Variants in HPGDS observed in about 807,000 individuals in gnomAD.
HPGDS encodes GST class-sigma.
HPGDS carries 26 observed loss-of-function variants against 23.1 expected under a neutral mutation model. That is an observed-to-expected ratio of 1.13 (90% CI 0.83 to 1.56). The LOEUF (loss-of-function observed/expected upper bound fraction) is 1.56, where lower values mean the gene tolerates loss of function less well. HPGDS is among the 40% of genes most tolerant of loss of function. HPGDS has a pLI of 0.00. For synonymous variants in HPGDS, 95 were observed against 77.9 expected, an observed-to-expected ratio of 1.22 and a Z score of -1.16; for missense variants, 268 against 236.4, an observed-to-expected ratio of 1.13 and a Z score of -0.88.
At position 94,309,174 on chromosome 4, in the gene HPGDS, G is replaced by A. The variant is rs1756206727; in HGVS notation, c.227-431C>T. On this transcript the variant is annotated intron_variant, in intron 3 of 5. Coordinates refer to ENST00000295256, the MANE Select transcript of HPGDS (RefSeq NM_014485.3). Reference sequence around the variant, plus strand: ...CTAAGGTACATGTGCACAACATTCAGGTTTGTTACATATGTATACATGTGC... The same window carrying A: ...CTAAGGTACATGTGCACAACATTCAAGTTTGTTACATATGTATACATGTGC... Among the ~76,000 whole-genome samples the A allele has an allele frequency of 1.3e-5, 2 of 148,408 alleles. 1 individual carries two copies. The highest frequency in any genetic ancestry group is 4.3e-4 in the South Asian group (2 of 4,684).
At position 94,299,637 on chromosome 4, in the gene HPGDS, C is replaced by T. The variant is rs768907757; in HGVS notation, c.443G>A (p.Trp148Ter). Residue 148 changes from tryptophan (W) to a stop codon, truncating the protein, a stop_gained, in exon 6 of 6, where the codon TGG (tryptophan) becomes TAG (stop). Transcript: ENST00000295256. LOFTEE classifies it high-confidence loss of function. ...REWLIGNSVTWADFYWEICST... is the reference protein window; with the variant it reads ...REWLIGNSVT ...GCAAATCTCCCAGTAGAAGTCTGCC[C>T]AAGTTACCTAGTTTAAAGGAAACAA... 1 of 1,613,390 alleles carries T rather than the reference C, an allele frequency of 6.2e-7. No individual in the cohort carries two copies.
At chr4:94,308,372 T>C (rs1053566831) in intron 4 of HPGDS, among the ~76,000 whole-genome samples, 1 of 152,098 alleles carries the variant, frequency 6.6e-6, no homozygotes, top group Non-Finnish European at 1.5e-5. Context: ...GTCATATTTA[T>C]TTATCCTATA....
chr4:94,341,247 G>A (rs1179948466), intron 1 of HPGDS, among the ~76,000 whole-genome samples: 1 of 151,956 alleles, frequency 6.6e-6, no homozygotes, highest in African/African-American at 2.4e-5. Context: ...AATCCCAGAG[G>A]CAATTTTAAC....
chr4:94,304,923 TAA>T (rs1756112659), intron 4 of HPGDS, among the ~76,000 whole-genome samples: 1 of 152,050 alleles, frequency 6.6e-6, no homozygotes, highest in Non-Finnish European at 1.5e-5. Context: ...AGCAAACTGA[TAA>T]ATTGATAGAC....
chr4:94,326,566 A>G (rs993165952), intron 2 of HPGDS, among the ~76,000 whole-genome samples: 2 of 151,844 alleles, frequency 1.3e-5, no homozygotes, highest in Non-Finnish European at 2.9e-5. Flanking sequence ...GATTTTTTTT[A>G]TAATATCTAT....
chr4:94,309,972 G>T (rs1379066992), intron 3 of HPGDS, among the ~76,000 whole-genome samples: 6 of 152,086 alleles, frequency 3.9e-5, no homozygotes, highest in Non-Finnish European at 7.4e-5. Context: ...CTTGTTAATG[G>T]GGTTGTTTGC....
At chr4:94,331,320 A>T (rs1756732443) in intron 2 of HPGDS, among the ~76,000 whole-genome samples, 1 of 152,172 alleles carries the variant, frequency 6.6e-6, no homozygotes, top group African/African-American at 2.4e-5. Context: ...TGAGGATTTT[A>T]AAAAATGTTT....
intron 4 of HPGDS, among the ~76,000 whole-genome samples, chr4:94,304,247 G>A (rs1340901912): frequency 6.6e-6 from 1 of 151,918 alleles, no homozygotes; most frequent in Non-Finnish European, 1.5e-5. Context: ...ATTTTGTGTT[G>A]GAACCACGAC....
intron 1 of HPGDS, among the ~76,000 whole-genome samples, chr4:94,340,311 C>CTTTTTTTTTTTTTTT (rs869240610): frequency 2.5e-4 from 6 of 23,676 alleles, no homozygotes; most frequent in African/African-American, 7.3e-4. Flanking sequence ...CTTTCTTTCT[C>CTTTTTTTTTTTTTTT]TTTTTTTTTT....
chr4:94,318,137 G>A (rs1756433220), intron 2 of HPGDS, among the ~76,000 whole-genome samples, 172 bp from the exon 3 acceptor site: 1 of 152,030 alleles, frequency 6.6e-6, no homozygotes, highest in African/African-American at 2.4e-5. Flanking sequence ...TATTTTATAA[G>A]TTTTGTTTAA....
rs190971035 is a variant in HPGDS at position 94,325,402 on chromosome 4, G to A, written c.134-7437C>T. 1.4e-4 allele frequency among the ~76,000 whole-genome samples: 21 copies of A among 152,302 alleles called. No individual in the cohort carries two copies. In the East Asian group the frequency reaches 3.5e-3, roughly 25 times the overall value. ...TGCCCCCAGAGGTGGAGTCTACAGAGGCAGGTAGGCCTTCTTGAGCTGCAG... is the reference window on the plus strand; with the variant it reads ...TGCCCCCAGAGGTGGAGTCTACAGAAGCAGGTAGGCCTTCTTGAGCTGCAG... On this transcript the variant is annotated intron_variant, in intron 2 of 5. Transcript: ENST00000295256.
At position 94,315,646 on chromosome 4, in the gene HPGDS, A is replaced by C. The variant is rs994727094; in HGVS notation, c.226+2227T>G. Among the ~76,000 whole-genome samples, 4 of 152,226 alleles carry C rather than the reference A, an allele frequency of 2.6e-5. No homozygotes were observed. The East Asian group carries it at 7.7e-4, about 29-fold the overall frequency. Reference sequence around the variant, plus strand: ...CTGTATAAATTTATTAAAAATTAAGAAACTGTATACTGACAGTGGATGAAT... The same window carrying C: ...CTGTATAAATTTATTAAAAATTAAGCAACTGTATACTGACAGTGGATGAAT... On this transcript the variant is annotated intron_variant, in intron 3 of 5. Transcript: ENST00000295256.
At chr4:94,314,505 G>A (rs964383745) in intron 3 of HPGDS, among the ~76,000 whole-genome samples, 1 of 152,170 alleles carries the variant, frequency 6.6e-6, no homozygotes, top group East Asian at 1.9e-4. Flanking sequence ...TGGACGTTTT[G>A]TCTCAGAGGG....
chr4:94,317,959 G>A lies in HPGDS; in HGVS notation c.140C>T (p.Pro47Leu). The part of the protein sequence containing the change: ...ADWPEIKSTL[P>L]FGKIPILEVD... ...TTCCAAAATGGGGATTTTTCCAAAT[G>A]GGAGAGCTTAAAATGAAATGAGCAA... The change falls in exon 3 of 6, where the codon CCA (proline) becomes CTA (leucine). Residue 47 changes from proline (P) to leucine (L), a missense_variant. By Grantham distance (98) the Pro-to-Leu change is moderately conservative. Coordinates refer to ENST00000295256, the MANE Select transcript of HPGDS (RefSeq NM_014485.3). The A allele has an allele frequency of 6.3e-7, 1 of 1,599,488 alleles. No homozygotes were observed.
chr4:94,314,818 C>T (rs993149048), intron 3 of HPGDS, among the ~76,000 whole-genome samples: 8 of 152,192 alleles, frequency 5.3e-5, no homozygotes, highest in African/African-American at 1.9e-4. Context: ...CTTTGTTTAC[C>T]TACTCAAGCC....
At chr4:94,325,028 G>A (rs1349519862) in intron 2 of HPGDS, among the ~76,000 whole-genome samples, 1 of 152,202 alleles carries the variant, frequency 6.6e-6, no homozygotes, top group African/African-American at 2.4e-5. Flanking sequence ...CTCAGCTGCA[G>A]GTCTGCTGGA....
At chr4:94,324,072 A>AT (rs1756577814) in intron 2 of HPGDS, among the ~76,000 whole-genome samples, 1 of 152,216 alleles carries the variant, frequency 6.6e-6, no homozygotes, top group Admixed American at 6.5e-5. Flanking sequence ...TTATTTAAGC[A>AT]TGTTGAATAT....
chr4:94,338,402 G>A (rs947724806), intron 1 of HPGDS, among the ~76,000 whole-genome samples: 1 of 152,140 alleles, frequency 6.6e-6, no homozygotes, highest in South Asian at 2.1e-4. Flanking sequence ...TCCAGCCTGG[G>A]CGACAGTGAG....
chr4:94,312,090 C>A (rs1756286589), intron 3 of HPGDS, among the ~76,000 whole-genome samples: 1 of 152,088 alleles, frequency 6.6e-6, no homozygotes, highest in Non-Finnish European at 1.5e-5. Context: ...AAAAAATAAG[C>A]TCCTGGATTC....
Sources: gnomAD v4.1 joint callset for allele counts (sites outside exome capture counted in the v4.1 genomes callset) on GRCh38, gnomAD v4.1.1 for gene constraint, MANE v1.5 for transcripts, NCBI Gene and HGNC (gene_info 2026-07-23, HGNC 2026-07-21) for gene names.